The following ADCY2 variants were observed in gnomAD, a reference collection of about 807,000 sequenced individuals.
ADCY2 encodes the protein adenylate cyclase 2.
ADCY2 carries 31 observed loss-of-function variants against 125.2 expected under a neutral mutation model. The observed-to-expected ratio is 0.25, with a 90% CI of 0.19 to 0.33. The LOEUF is 0.33. ADCY2 is among the 10% of genes least tolerant of loss of function. The pLI, the probability that ADCY2 is intolerant of heterozygous loss-of-function variation, is 1.00. For missense variants in ADCY2, 904 were observed against 1,418.2 expected (o/e 0.64, Z 5.82); for synonymous variants, 512 against 548.4 (o/e 0.93, Z 0.93).
intron 12 of ADCY2, among the ~76,000 whole-genome samples, chr5:7,719,889 C>T (rs995867014): frequency 6.6e-6 from 1 of 152,172 alleles, no homozygotes; most frequent in African/African-American, 2.4e-5. Context: ...TTTAGTACCT[C>T]CTTTGTGGCA....
In ADCY2 at chr5:7,538,845, TTTTTC is replaced by T. The variant is rs201341482; in HGVS notation, c.570+17966_570+17970del. ...TTTGAATATAAATTTCTTTTTTCTT[TTTTTC>T]TTTTCTTTTCTTTTCTTTTTTTTTT... is the stretch of plus-strand genomic sequence containing the variant. On this transcript the variant is annotated intron_variant, in intron 3 of 24. Coordinates refer to ENST00000338316, the MANE Select transcript of ADCY2 (RefSeq NM_020546.3). Among the ~76,000 whole-genome samples, 15 of 142,856 alleles carry T rather than the reference TTTTTC, an allele frequency of 1.1e-4. No individual in the cohort carries two copies. The East Asian group carries it at 1.5e-3, about 14-fold the overall frequency. The allele number at this position is 142,856 out of a possible 152,430, so 93.7% of individuals were successfully genotyped here. A position where few individuals can be genotyped will look rare whatever the true frequency, so the allele number is the denominator to read the frequency against.
At chr5:7,544,363 T>A (rs1451077507) in intron 3 of ADCY2, among the ~76,000 whole-genome samples, 1 of 152,202 alleles carries the variant, frequency 6.6e-6, no homozygotes, top group Non-Finnish European at 1.5e-5. Context: ...CAGGGCTGGT[T>A]CCTTCTGGAG....
intron 4 of ADCY2, among the ~76,000 whole-genome samples, chr5:7,647,988 A>C (rs912246667): frequency 1.3e-5 from 2 of 152,216 alleles, no homozygotes; most frequent in African/African-American, 4.8e-5. Context: ...GAGGGATTTA[A>C]ATGCGCTCTG....
At chr5:7,792,725 T>G (rs1744292684) in intron 20 of ADCY2, among the ~76,000 whole-genome samples, 1 of 152,162 alleles carries the variant, frequency 6.6e-6, no homozygotes, top group African/African-American at 2.4e-5. Context: ...GAATAAAACC[T>G]AGAGCTACAC....
intron 3 of ADCY2, among the ~76,000 whole-genome samples, chr5:7,593,896 AAG>A (rs1213256779): frequency 6.6e-6 from 1 of 152,190 alleles, no homozygotes; most frequent in African/African-American, 2.4e-5. Flanking sequence ...GGAGATGTAA[AAG>A]TGTCATTTGA....
intron 2 of ADCY2, among the ~76,000 whole-genome samples, chr5:7,444,085 A>C (rs1401752765): frequency 2.0e-5 from 3 of 149,578 alleles, no homozygotes; most frequent in African/African-American, 7.4e-5. Flanking sequence ...TTTGGTGAAC[A>C]GTTCTGCTGG....
intron 4 of ADCY2, among the ~76,000 whole-genome samples, chr5:7,644,955 T>A (rs1035672663): frequency 1.3e-5 from 2 of 152,158 alleles, no homozygotes; most frequent in African/African-American, 4.8e-5. Flanking sequence ...TGCAGTGCCC[T>A]TAACTGATGT....
chr5:7,756,825 TTA>T (rs1211604703), intron 15 of ADCY2, among the ~76,000 whole-genome samples: 1 of 152,224 alleles, frequency 6.6e-6, no homozygotes, highest in African/African-American at 2.4e-5. Context: ...ACATTTTATA[TTA>T]TGTGTTTCTA....
chr5:7,448,269 T>C (rs150334781), intron 2 of ADCY2, among the ~76,000 whole-genome samples: 5 of 152,262 alleles, frequency 3.3e-5, no homozygotes, highest in Admixed American at 6.5e-5. Flanking sequence ...GGAGAATACA[T>C]TAAAGATGCA....
chr5:7,823,671 C>A (rs1745372833), intron 24 of ADCY2, among the ~76,000 whole-genome samples: 1 of 152,166 alleles, frequency 6.6e-6, no homozygotes, highest in South Asian at 2.1e-4. Flanking sequence ...GCACAACACC[C>A]GGAATATTCC....
chr5:7,648,851 G>C (rs965582657), intron 4 of ADCY2, among the ~76,000 whole-genome samples: 1 of 152,116 alleles, frequency 6.6e-6, no homozygotes, highest in Non-Finnish European at 1.5e-5. Flanking sequence ...AATAGAATTG[G>C]AAGAAGGTCT....
chr5:7,818,353 C>CTT (rs574092399), intron 23 of ADCY2, among the ~76,000 whole-genome samples: 1 of 141,114 alleles, frequency 7.1e-6, no homozygotes, highest in African/African-American at 2.6e-5. Flanking sequence ...TTTTCTTTTT[C>CTT]TTTTTTTTTT....
chr5:7,448,675 C>T (rs1385027817), intron 2 of ADCY2, among the ~76,000 whole-genome samples: 2 of 152,118 alleles, frequency 1.3e-5, no homozygotes, highest in South Asian at 4.1e-4. Flanking sequence ...TGTTCCCCCA[C>T]ATGTGTCCAT....
chr5:7,741,668 T>C (rs199870998), intron 14 of ADCY2, among the ~76,000 whole-genome samples: 2 of 14,794 alleles, frequency 1.4e-4, no homozygotes, highest in Admixed American at 6.6e-4. Flanking sequence ...ATCATCATCA[T>C]CATCATCACC....
At chr5:7,419,309 T>C (rs547868457) in intron 2 of ADCY2, among the ~76,000 whole-genome samples, 1 of 152,226 alleles carries the variant, frequency 6.6e-6, no homozygotes, top group East Asian at 1.9e-4. Flanking sequence ...TAGGGATTGC[T>C]ACATGGGGAG....
intron 2 of ADCY2, among the ~76,000 whole-genome samples, chr5:7,448,937 T>C (rs1392572125): frequency 6.6e-6 from 1 of 152,190 alleles, no homozygotes; most frequent in Admixed American, 6.5e-5. Context: ...GTAATGGACA[T>C]ATGTGTGTAT....
chr5:7,794,454 A>T (rs969960783), intron 20 of ADCY2: 12 of 152,090 alleles, frequency 7.9e-5, no homozygotes, highest in African/African-American at 1.2e-4. Flanking sequence ...GTGTGGGGAG[A>T]TTCTGGAGGC....
chr5:7,453,067 A>G (rs10069054), intron 2 of ADCY2, among the ~76,000 whole-genome samples: 1,624 of 152,132 alleles, frequency 0.011, 27 homozygotes, highest in African/African-American at 0.037. Context: ...TACTCTGATG[A>G]TTATTTCTTT....
chr5:7,811,121 G>A (rs1044470074), intron 22 of ADCY2, among the ~76,000 whole-genome samples: 1 of 152,124 alleles, frequency 6.6e-6, no homozygotes, highest in Non-Finnish European at 1.5e-5. Flanking sequence ...TGTACTCCCG[G>A]AACAGACAGG....
Sources: gnomAD v4.1 joint callset for allele counts (sites outside exome capture counted in the v4.1 genomes callset) on GRCh38, gnomAD v4.1.1 for gene constraint, MANE v1.5 for transcripts, NCBI Gene and HGNC (gene_info 2026-07-23, HGNC 2026-07-21) for gene names.